The following TMEM175 variants were observed in gnomAD, a reference collection of about 807,000 sequenced individuals.
The protein encoded by TMEM175 is transmembrane protein 175, also known as endosomal/lysosomal proton channel TMEM175.
A neutral mutation model predicts 36.5 loss-of-function variants in TMEM175; 36 were observed. The ratio of observed to expected loss-of-function variants is 0.99; its 90% CI spans 0.76 to 1.30. The LOEUF is 1.30. Ranked by LOEUF, TMEM175 falls within the 50% of genes most tolerant of loss-of-function variation. The probability of loss-of-function intolerance (pLI) is 0.00; values close to 1 mark genes in which losing one functional copy is unlikely to be tolerated. For synonymous variants in TMEM175, 339 were observed against 313.4 expected (o/e 1.08, Z -0.86); for missense variants, 705 against 692.8 (o/e 1.02, Z -0.20).
At chr4:940,448 C>CAAA (rs397879918) in intron 1 of TMEM175, among the ~76,000 whole-genome samples, 14 of 91,242 alleles carry the variant, frequency 1.5e-4, no homozygotes, top group East Asian at 6.5e-4. Context: ...AACTCGATCT[C>CAAA]AAAAAAAAAA....
At chr4:950,322 C>G in intron 3 of TMEM175, 99 bp from the exon 4 acceptor site, 1 of 1,008,076 alleles carries the variant, frequency 9.9e-7, no homozygotes, top group Admixed American at 1.8e-5. Context: ...TTCGCCCTGC[C>G]CTGGGCCGAG....
intron 1 of TMEM175, among the ~76,000 whole-genome samples, chr4:938,277 G>C (rs957904954): frequency 6.6e-6 from 1 of 152,214 alleles, no homozygotes; most frequent in Non-Finnish European, 1.5e-5. Context: ...GCCGAGTCGG[G>C]TGGGTCACCT....
chr4:952,272 C>T (rs777370411), intron 6 of TMEM175, 95 bp from the exon 7 acceptor site: 29 of 1,109,970 alleles, frequency 2.6e-5, no homozygotes, highest in Admixed American at 5.2e-5. Flanking sequence ...CCCAGCGTCC[C>T]GTGGAGTGGG....
At chr4:933,662 C>T (rs538521148) in intron 1 of TMEM175, among the ~76,000 whole-genome samples, 8 of 152,204 alleles carry the variant, frequency 5.3e-5, no homozygotes, top group African/African-American at 1.9e-4. Context: ...ATGTATGTTA[C>T]CTGCCTGGTT....
chr4:956,617 C>A, intron 10 of TMEM175: 1 of 522,688 alleles, frequency 1.9e-6, no homozygotes, highest in Non-Finnish European at 3.0e-6. Flanking sequence ...TAACTTTTTG[C>A]ATTTTTAATA....
chr4:951,649 G>C, intron 5 of TMEM175, 33 bp from the exon 6 acceptor site: 1 of 1,613,694 alleles, frequency 6.2e-7, no homozygotes, highest in Non-Finnish European at 8.5e-7. Flanking sequence ...TCCCCAGGCC[G>C]CATCATGGCT....
At chr4:948,033 CCCT>C (rs1223370644) in intron 2 of TMEM175, 80 bp from the exon 3 acceptor site, 1 of 1,610,546 alleles carries the variant, frequency 6.2e-7, no homozygotes, top group South Asian at 1.1e-5. Context: ...CCCAGCACTG[CCCT>C]CGAGTCCCCA....
intron 1 of TMEM175, among the ~76,000 whole-genome samples, chr4:936,232 C>T (rs1260333021): frequency 6.6e-6 from 1 of 151,208 alleles, no homozygotes; most frequent in Non-Finnish European, 1.5e-5. Context: ...GTAGTTCCGG[C>T]TACTTGGGAG....
intron 1 of TMEM175, among the ~76,000 whole-genome samples, chr4:947,124 C>G (rs1176377802): frequency 7.0e-6 from 1 of 142,960 alleles, no homozygotes; most frequent in African/African-American, 2.7e-5. Flanking sequence ...GCGCCGAGAC[C>G]GGGGGAGAGC....
intron 1 of TMEM175, among the ~76,000 whole-genome samples, chr4:934,895 G>A (rs868348532): frequency 6.6e-6 from 1 of 152,222 alleles, no homozygotes; most frequent in African/African-American, 2.4e-5. Context: ...GGCTGCAGTT[G>A]TAGGTGACCT....
In TMEM175 at chr4:941,460, A is replaced by G. The variant is rs1216819778; in HGVS notation, c.-31-6249A>G. Among the ~76,000 whole-genome samples the G allele has an allele frequency of 2.8e-5, 4 of 141,462 alleles. No homozygotes were observed. In the South Asian group the frequency reaches 9.5e-4, roughly 34 times the overall value. 92.8% of individuals were successfully genotyped at this position (141,462 alleles called of 152,430 possible). Reference sequence around the variant, plus strand: ...TTTTCTTTTTTTTTTTTTTCTTGAGATGGAGTCTGGCTCTGTCACTCAGGT... The same window carrying G: ...TTTTCTTTTTTTTTTTTTTCTTGAGGTGGAGTCTGGCTCTGTCACTCAGGT... On this transcript the variant is annotated intron_variant, in intron 1 of 10. Transcript: ENST00000264771.
chr4:937,855 G>A (rs146163162), intron 1 of TMEM175, among the ~76,000 whole-genome samples: 183 of 152,234 alleles, frequency 1.2e-3, no homozygotes, highest in African/African-American at 4.2e-3. Flanking sequence ...GACCGAGTGG[G>A]ATATCTCAAG....
intron 1 of TMEM175, among the ~76,000 whole-genome samples, chr4:933,492 A>G (rs903812058): frequency 3.3e-5 from 5 of 152,126 alleles, no homozygotes; most frequent in African/African-American, 9.7e-5. Flanking sequence ...AATAATAATA[A>G]TAATAATAAT....
intron 1 of TMEM175, among the ~76,000 whole-genome samples, chr4:942,761 T>C (rs545524304): frequency 6.6e-6 from 1 of 152,042 alleles, no homozygotes; most frequent in East Asian, 1.9e-4. Context: ...TGCTTCAGCC[T>C]CCTGAGTAGC....
intron 1 of TMEM175, among the ~76,000 whole-genome samples, chr4:937,560 T>C (rs1726934866): frequency 6.6e-6 from 1 of 152,116 alleles, no homozygotes; most frequent in Admixed American, 6.5e-5. Context: ...TGAAACTCGA[T>C]CTCAAAAAAA....
intron 1 of TMEM175, among the ~76,000 whole-genome samples, chr4:946,668 T>C (rs895037006): frequency 3.3e-5 from 5 of 152,168 alleles, no homozygotes; most frequent in African/African-American, 7.2e-5. Context: ...ATCTCTGATA[T>C]TAAAAATGCC....
At chr4:941,812 A>G (rs1224859652) in intron 1 of TMEM175, among the ~76,000 whole-genome samples, 1 of 152,028 alleles carries the variant, frequency 6.6e-6, no homozygotes, top group South Asian at 2.1e-4. Context: ...GCTCATTCCT[A>G]TAATCCCAGC....
chr4:955,513 G>A, intron 9 of TMEM175, 30 bp downstream of exon 9: 1 of 1,601,636 alleles, frequency 6.2e-7, no homozygotes, highest in Non-Finnish European at 8.5e-7. Flanking sequence ...GCTGGCCTGA[G>A]AGGCCTGTAG....
At chr4:937,148 C>T (rs1247523515) in intron 1 of TMEM175, among the ~76,000 whole-genome samples, 1 of 151,894 alleles carries the variant, frequency 6.6e-6, no homozygotes, top group Non-Finnish European at 1.5e-5. Context: ...TGAATATATA[C>T]ACCTACTATA....
Sources: gnomAD v4.1 joint callset for allele counts (sites outside exome capture counted in the v4.1 genomes callset) on GRCh38, gnomAD v4.1.1 for gene constraint, MANE v1.5 for transcripts, NCBI Gene and HGNC (gene_info 2026-07-23, HGNC 2026-07-21) for gene names.